TRMT44: variants seen among roughly 807,000 people sequenced by gnomAD.
TRMT44 encodes probable tRNA (uracil-O(2)-)-methyltransferase.
TRMT44 carries 78 observed loss-of-function variants against 77.3 expected under a neutral mutation model. That is an observed-to-expected ratio of 1.01 (90% confidence interval 0.84 to 1.22). The LOEUF is 1.22. Ranked by LOEUF, TRMT44 falls within the 50% of genes most tolerant of loss-of-function variation. TRMT44 has a pLI of 0.00. For missense variants in TRMT44, 1,090 were observed against 964.4 expected, an observed-to-expected ratio of 1.13 and a Z score of -1.73; for synonymous variants, 391 against 383.3, an observed-to-expected ratio of 1.02 and a Z score of -0.23.
In TRMT44 at chr4:8,465,442, T is replaced by G; in HGVS notation, c.1375T>G (p.Ser459Ala). The G allele has an allele frequency of 3.1e-6, 5 of 1,614,116 alleles. No individual in the cohort carries two copies. Among genetic ancestry groups the G allele is most frequent in the Non-Finnish European group, 4.2e-6 (5 of 1,179,996 alleles). The change falls in exon 8 of 11, where the codon TCC (serine) becomes GCC (alanine). Residue 459 changes from serine to alanine, a missense_variant. Coordinates refer to ENST00000389737, the MANE Select transcript of TRMT44 (RefSeq NM_152544.3). The stretch of plus-strand genomic sequence containing the variant: ...CTTCTTTGACTTCATTGGAAGATAC[T>G]CCCGGAGGCAGAGTAAGAAGACTCA... ...CCFFDFIGRY[S>A]RRQSKKTQYR...
chr4:8,463,237 C>G (rs1031212289), intron 6 of TRMT44, among the ~76,000 whole-genome samples: 2 of 152,142 alleles, frequency 1.3e-5, no homozygotes, highest in African/African-American at 2.4e-5. Flanking sequence ...TCTCTCTTCC[C>G]CCTCTCTCTT....
intron 2 of TRMT44, among the ~76,000 whole-genome samples, chr4:8,484,811 A>G (rs1727752383): frequency 6.6e-6 from 1 of 152,226 alleles, no homozygotes; most frequent in African/African-American, 2.4e-5. Flanking sequence ...GTATCCAACC[A>G]TGCCCAGGAA....
In TRMT44 at chr4:8,451,142, C is replaced by A. The variant is rs569085182; in HGVS notation, c.955-818C>A. 7.9e-5 allele frequency among the ~76,000 whole-genome samples: 12 copies of A among 152,196 alleles called. No individual in the cohort carries two copies. The highest frequency in any genetic ancestry group is 2.1e-4 in the South Asian group (1 of 4,812). On this transcript the variant is annotated intron_variant, in intron 3 of 10. Coordinates refer to ENST00000389737, the MANE Select transcript of TRMT44 (RefSeq NM_152544.3). This position sits in a 1 kb window ranked among gnomAD's most constrained non-coding sequence, Gnocchi z 4.1. Reference sequence around the variant, plus strand: ...AAAGGTCACAGGCTTAAAGCTGTGACCTTTCATTATTGCTGAAGCACCTGT... The same window carrying A: ...AAAGGTCACAGGCTTAAAGCTGTGAACTTTCATTATTGCTGAAGCACCTGT...
chr4:8,465,366 T>C lies in TRMT44; in HGVS notation c.1311-12T>C. ...GGATGCTTGACCCTGTGGTTGTTGG[T>C]TCTTTTTGAAGGTCTTCCTACAATT... On this transcript the variant is annotated splice_polypyrimidine_tract_variant and intron_variant, in intron 7 of 10. Transcript: ENST00000389737. 1.9e-6 allele frequency: 3 copies of C among 1,602,154 alleles called. No homozygotes were observed. The highest frequency in any genetic ancestry group is 2.6e-6 in the Non-Finnish European group (3 of 1,174,274).
chr4:8,467,067 C>G (rs1293452851), intron 8 of TRMT44, among the ~76,000 whole-genome samples: 2 of 152,184 alleles, frequency 1.3e-5, no homozygotes, highest in Non-Finnish European at 2.9e-5. Flanking sequence ...CCGGAGGGGA[C>G]TGTCTGAAGG....
chr4:8,485,299 T>C (rs1727769764), intron 2 of TRMT44, among the ~76,000 whole-genome samples: 1 of 152,068 alleles, frequency 6.6e-6, no homozygotes, highest in African/African-American at 2.4e-5. Context: ...GAGGGAGGTA[T>C]TGAGGACAAA....
Position 8,452,733 on chromosome 4 carries a change from T to G in TRMT44, c.1024-149T>G. 2.0e-6 allele frequency: 1 copy of G among 492,748 alleles called. No homozygotes were observed. The highest frequency in any genetic ancestry group is 3.5e-6 in the Non-Finnish European group (1 of 282,674). 30.5% of individuals were successfully genotyped at this position (492,748 alleles called of 1,614,324 possible). On this transcript the variant is annotated intron_variant, in intron 4 of 10. Coordinates refer to ENST00000389737, the MANE Select transcript of TRMT44 (RefSeq NM_152544.3). The surrounding 1 kb of genome is among the most constrained non-coding windows in gnomAD (Gnocchi z 5.7). The stretch of plus-strand genomic sequence containing the variant: ...TGGGCGGCAAGAGCAACACTCCATC[T>G]CAAAAAAAGAAAAAAAAAAAAGAAT...
At chr4:8,492,894 C>G (rs553800208) in intron 2 of TRMT44, among the ~76,000 whole-genome samples, 4 of 152,304 alleles carry the variant, frequency 2.6e-5, no homozygotes, top group African/African-American at 9.6e-5. Flanking sequence ...ATTGATGTCC[C>G]ATGTCTCCCT....
the TRMT44 span, among the ~76,000 whole-genome samples, chr4:8,515,750 C>T: frequency 6.6e-6 from 1 of 152,208 alleles, no homozygotes; most frequent in Non-Finnish European, 1.5e-5. Flanking sequence ...TGACACAGTT[C>T]ACTCCCAGTG....
the TRMT44 span, among the ~76,000 whole-genome samples, chr4:8,508,351 C>G: frequency 1.3e-5 from 2 of 152,188 alleles, no homozygotes; most frequent in Non-Finnish European, 2.9e-5. Context: ...GGAGGTTGGC[C>G]TGCCGGGCCC....
rs1189755287 is a variant in TRMT44, at chr4:8,461,914, A to AATTCT, written c.1204-2070_1204-2069insTTCTA. Among the ~76,000 whole-genome samples the AATTCT allele has an allele frequency of 2.0e-5, 3 of 152,152 alleles. No homozygotes were observed. Among genetic ancestry groups the AATTCT allele is most frequent in the African/African-American group, 7.2e-5 (3 of 41,428 alleles). Reference sequence around the variant, plus strand: ...TTTCCACGAACAGGTACAATCTAGAAAGTCAAAGGCCAGGCGTAGAATATA... The same window carrying AATTCT: ...TTTCCACGAACAGGTACAATCTAGAAATTCTAGTCAAAGGCCAGGCGTAGAATATA... On this transcript the variant is annotated intron_variant, in intron 6 of 10. Coordinates refer to ENST00000389737, the MANE Select transcript of TRMT44 (RefSeq NM_152544.3). This position sits in a 1 kb window ranked among gnomAD's most constrained non-coding sequence, Gnocchi z 4.6.
Position 8,446,547 on chromosome 4 carries a change from A to C in TRMT44, c.691A>C (p.Ser231Arg). 1 of 1,536,350 alleles carries C rather than the reference A, an allele frequency of 6.5e-7. No individual in the cohort carries two copies. The highest frequency in any genetic ancestry group is 1.2e-5 in the South Asian group (1 of 84,062). Residue 231 changes from serine to arginine, a missense_variant, in exon 2 of 11, where the codon AGC becomes CGC. Physicochemically the swap from Ser to Arg is moderately radical, Grantham distance 110. Coordinates refer to ENST00000389737, the MANE Select transcript of TRMT44 (RefSeq NM_152544.3). The surrounding 1 kb of genome is among the most constrained non-coding windows in gnomAD (Gnocchi z 4.3). ...DDEGNLKVKMSNVYQIQLSHS... is the reference protein window; with the variant it reads ...DDEGNLKVKMRNVYQIQLSHS... ...TGAGGGGAACCTAAAGGTTAAGATG[A>C]GCAATGTGTATCAAATTCAGCTCAG...
chr4:8,490,374 G>C (rs140625481), intron 2 of TRMT44, among the ~76,000 whole-genome samples: 12 of 152,020 alleles, frequency 7.9e-5, no homozygotes, highest in African/African-American at 2.4e-4. Context: ...AGATGTGTTC[G>C]GAGTTTCTTC....
chr4:8,458,051 C>T (rs1725921257), intron 6 of TRMT44, among the ~76,000 whole-genome samples: 1 of 151,140 alleles, frequency 6.6e-6, no homozygotes, highest in Non-Finnish European at 1.5e-5. Context: ...GTAAAAGAGA[C>T]AGTGCCAGAA....
In TRMT44 at chr4:8,444,657, C is replaced by T. The variant is rs1280809888; in HGVS notation, c.620-1819C>T. Among the ~76,000 whole-genome samples the T allele has an allele frequency of 6.6e-6, 1 of 152,246 alleles. No individual in the cohort carries two copies. Among genetic ancestry groups the T allele is most frequent in the African/African-American group, 2.4e-5 (1 of 41,470 alleles). ...ACGTGATCCGCCTGCCTTGGCCTCC[C>T]AAAGTGCCGGGGTTACGGGCGTGAG... On this transcript the variant is annotated intron_variant, in intron 1 of 10. Coordinates refer to ENST00000389737, the MANE Select transcript of TRMT44 (RefSeq NM_152544.3). This position sits in a 1 kb window ranked among gnomAD's most constrained non-coding sequence, Gnocchi z 4.0.
At chr4:8,465,619 A>T in intron 8 of TRMT44, 58 bp downstream of exon 8, 3 of 1,453,566 alleles carry the variant, frequency 2.1e-6, no homozygotes, top group Non-Finnish European at 2.8e-6. Flanking sequence ...TGGAGAGCTC[A>T]GGGCTCTGCC....
intron 6 of TRMT44, among the ~76,000 whole-genome samples, chr4:8,463,499 T>TTCTC (rs112056471): frequency 0.026 from 3,944 of 152,274 alleles, 93 homozygotes; most frequent in African/African-American, 0.065. Flanking sequence ...CATATGTAAA[T>TTCTC]TCTCTGTCTA....
intron 6 of TRMT44, among the ~76,000 whole-genome samples, chr4:8,463,068 A>C (rs1315241997): frequency 6.6e-6 from 1 of 152,258 alleles, no homozygotes; most frequent in East Asian, 1.9e-4. Flanking sequence ...TCTGTAAAAC[A>C]TTCTTGTGTT....
Position 8,441,116 on chromosome 4 carries a change from C to T in TRMT44, c.294C>T (p.Cys98=), listed in dbSNP as rs759257986. The change falls in exon 1 of 11, where the codon TGC becomes TGT. Residue 98 remains cysteine, a synonymous_variant. Transcript: ENST00000389737. ...GACCCGAGCAGGGCACGGCATGTTG[C>T]GAACTTGAGGAGGCCCAGGGCCAGT... The part of the protein sequence containing the change: ...LSGPEQGTAC[C]ELEEAQGQCQ... 6.6e-7 allele frequency: 1 copy of T among 1,516,882 alleles called. No homozygotes were observed. The highest frequency in any genetic ancestry group is 1.2e-5 in the South Asian group (1 of 81,916). The allele number at this position is 1,516,882 out of a possible 1,614,324, so 94.0% of individuals were successfully genotyped here.
Sources: allele counts gnomAD v4.1 joint callset (sites outside exome capture counted in the v4.1 genomes callset), GRCh38; gene constraint gnomAD v4.1.1; non-coding constraint Gnocchi (gnomAD v3.1); transcripts MANE v1.5; gene names NCBI Gene and HGNC (gene_info 2026-07-23, HGNC 2026-07-21).